The following GADL1 variants were observed in gnomAD, a reference collection of about 807,000 sequenced individuals.
GADL1 encodes GAD like acidic amino acid decarboxylase 1.
Under a neutral mutation model 69.5 loss-of-function variants are expected in GADL1, and 71 were observed. That is an observed-to-expected ratio of 1.02 (90% CI 0.84 to 1.25). The LOEUF (loss-of-function observed/expected upper bound fraction) is 1.25, where lower values mean the gene tolerates loss of function less well. Ranked by LOEUF, GADL1 falls within the 50% of genes most tolerant of loss-of-function variation. GADL1 has a pLI of 0.00. For missense variants in GADL1, 737 were observed against 631.8 expected (o/e 1.17, Z -1.79); for synonymous variants, 254 against 214.4 (o/e 1.18, Z -1.62).
chr3:30,765,590 C>A (rs150765734), intron 14 of GADL1, among the ~76,000 whole-genome samples: 48 of 152,278 alleles, frequency 3.2e-4, no homozygotes, highest in Admixed American at 9.8e-4. Flanking sequence ...CTGAACAAGG[C>A]CCTGCCCTCA....
intron 1 of GADL1, among the ~76,000 whole-genome samples, chr3:30,893,070 G>C (rs1698805323): frequency 6.6e-6 from 1 of 152,118 alleles, no homozygotes; most frequent in Non-Finnish European, 1.5e-5. Flanking sequence ...TGGCCAGGCT[G>C]GTCTCAAACT....
intron 14 of GADL1, among the ~76,000 whole-genome samples, chr3:30,743,087 T>C (rs925944918): frequency 6.6e-5 from 10 of 152,088 alleles, no homozygotes; most frequent in Non-Finnish European, 1.0e-4. Context: ...TTTCAACCTG[T>C]GTGAGTGGAT....
chr3:30,870,974 T>A (rs1265621942), intron 1 of GADL1, among the ~76,000 whole-genome samples: 1 of 150,754 alleles, frequency 6.6e-6, no homozygotes, highest in East Asian at 2.0e-4. Flanking sequence ...TTGGTCATGA[T>A]GACATAGAGA....
Position 30,780,989 on chromosome 3 carries a change from C to T in GADL1, c.1303-2721G>A, listed in dbSNP as rs544356748. Among the ~76,000 whole-genome samples the T allele has an allele frequency of 1.8e-4, 28 of 152,282 alleles. No homozygotes were observed. In the East Asian group the frequency reaches 3.1e-3, roughly 17 times the overall value. On this transcript the variant is annotated intron_variant, in intron 13 of 14. Coordinates refer to ENST00000282538, the MANE Select transcript of GADL1 (RefSeq NM_207359.3). Reference sequence around the variant, plus strand: ...ACTTCAAAGCACTAATGAGTATTTTCAGAGTAAATCATTTGTATACCCCTT... The same window carrying T: ...ACTTCAAAGCACTAATGAGTATTTTTAGAGTAAATCATTTGTATACCCCTT...
chr3:30,881,559 G>A (rs1450931400), intron 1 of GADL1, among the ~76,000 whole-genome samples: 4 of 151,890 alleles, frequency 2.6e-5, no homozygotes, highest in South Asian at 2.1e-4. Context: ...GAGGGAGATG[G>A]CAACAGTATA....
intron 4 of GADL1, among the ~76,000 whole-genome samples, chr3:30,853,011 T>C (rs2125533149): frequency 6.6e-6 from 1 of 152,268 alleles, no homozygotes. Context: ...GTGGATGCTG[T>C]TTAGGCTCTT....
intron 14 of GADL1, among the ~76,000 whole-genome samples, chr3:30,750,660 C>A (rs1174922678): frequency 6.6e-6 from 1 of 151,410 alleles, no homozygotes; most frequent in Non-Finnish European, 1.5e-5. Flanking sequence ...TTTTTTTTAA[C>A]ACAATTGCTA....
chr3:30,774,360 C>CA (rs1200547247), intron 14 of GADL1, among the ~76,000 whole-genome samples: 1 of 152,174 alleles, frequency 6.6e-6, no homozygotes, highest in Non-Finnish European at 1.5e-5. Context: ...AACTGTTTAA[C>CA]ATACCAATGC....
intron 14 of GADL1, among the ~76,000 whole-genome samples, chr3:30,761,166 TAA>T (rs1487101873): frequency 6.6e-6 from 1 of 152,108 alleles, no homozygotes; most frequent in Non-Finnish European, 1.5e-5. Flanking sequence ...TTTACTTTAA[TAA>T]AATTCCAGCT....
chr3:30,807,596 A>C (rs1187448487), intron 11 of GADL1, among the ~76,000 whole-genome samples: 1 of 152,224 alleles, frequency 6.6e-6, no homozygotes, highest in Non-Finnish European at 1.5e-5. Flanking sequence ...TAGGGATGCT[A>C]GGTGGACTTG....
At chr3:30,877,820 T>C (rs185237911) in intron 1 of GADL1, among the ~76,000 whole-genome samples, 1 of 152,086 alleles carries the variant, frequency 6.6e-6, no homozygotes, top group Non-Finnish European at 1.5e-5. Flanking sequence ...GGTGTAGTAT[T>C]ACCATATAGA....
chr3:30,755,727 TCAA>T (rs1695952395), intron 14 of GADL1, among the ~76,000 whole-genome samples: 1 of 132,778 alleles, frequency 7.5e-6, no homozygotes, highest in African/African-American at 2.6e-5. Flanking sequence ...TTGGAAATGT[TCAA>T]TAAATAATTG....
chr3:30,846,548 C>T (rs1037544625), intron 6 of GADL1, among the ~76,000 whole-genome samples: 2 of 151,536 alleles, frequency 1.3e-5, no homozygotes, highest in Admixed American at 6.6e-5. Flanking sequence ...GTAGAGAGAA[C>T]GGGGTATATA....
intron 11 of GADL1, among the ~76,000 whole-genome samples, chr3:30,810,839 C>A (rs1024088698): frequency 6.6e-6 from 1 of 152,042 alleles, no homozygotes; most frequent in Non-Finnish European, 1.5e-5. Context: ...CAGCCTTCCA[C>A]GCAAAATGAG....
intron 14 of GADL1, among the ~76,000 whole-genome samples, chr3:30,754,397 G>A (rs1695912927): frequency 6.6e-6 from 1 of 152,106 alleles, no homozygotes; most frequent in East Asian, 1.9e-4. Flanking sequence ...ATTCTGATAG[G>A]ATATATTCAA....
intron 1 of GADL1, among the ~76,000 whole-genome samples, chr3:30,887,699 G>A (rs79869717): frequency 8.5e-4 from 129 of 152,262 alleles, no homozygotes; most frequent in African/African-American, 2.9e-3. Context: ...CAAAAGTAGT[G>A]AAATCCAGAT....
At chr3:30,893,774 C>A (rs954692893) in intron 1 of GADL1, among the ~76,000 whole-genome samples, 1 of 152,100 alleles carries the variant, frequency 6.6e-6, no homozygotes, top group Non-Finnish European at 1.5e-5. Flanking sequence ...ATGACTGATC[C>A]GCAGGGGACC....
At chr3:30,792,998 T>C (rs1050924921) in intron 12 of GADL1, among the ~76,000 whole-genome samples, 16 of 152,140 alleles carry the variant, frequency 1.1e-4, no homozygotes, top group African/African-American at 3.9e-4. Flanking sequence ...TGTCTGCATA[T>C]TGATTAAAGT....
intron 14 of GADL1, among the ~76,000 whole-genome samples, chr3:30,760,500 A>G (rs1696102010): frequency 6.6e-6 from 1 of 152,156 alleles, no homozygotes; most frequent in Non-Finnish European, 1.5e-5. Flanking sequence ...AACATCTTAC[A>G]TAAAACTCTC....
Sources: gnomAD v4.1 joint callset for allele counts (sites outside exome capture counted in the v4.1 genomes callset) on GRCh38, gnomAD v4.1.1 for gene constraint, MANE v1.5 for transcripts, NCBI Gene and HGNC (gene_info 2026-07-23, HGNC 2026-07-21) for gene names.